The following SFXN1 variants were observed in gnomAD, a reference collection of about 807,000 sequenced individuals.
SFXN1 encodes the protein sideroflexin 1.
In SFXN1, 32 loss-of-function variants were observed where a neutral mutation model predicts 39.5. That is an observed-to-expected ratio of 0.81 (90% CI 0.61 to 1.09). SFXN1 has a LOEUF of 1.09. SFXN1 is among the 50% of genes least tolerant of loss of function. SFXN1 has a pLI of 0.00. For missense variants in SFXN1, 402 were observed against 407.1 expected, an observed-to-expected ratio of 0.99 and a Z score of 0.11; for synonymous variants, 136 against 146.5, an observed-to-expected ratio of 0.93 and a Z score of 0.52.
chr5:175,511,001 A>C (rs559647361), intron 4 of SFXN1, among the ~76,000 whole-genome samples: 1 of 152,298 alleles, frequency 6.6e-6, no homozygotes, highest in South Asian at 2.1e-4. Context: ...TATACAGTTA[A>C]GATATCATTT....
intron 1 of SFXN1, among the ~76,000 whole-genome samples, chr5:175,489,694 A>G (rs1185364944): frequency 1.3e-5 from 2 of 152,194 alleles, no homozygotes; most frequent in Non-Finnish European, 2.9e-5. Flanking sequence ...CCAGTGGAAC[A>G]CATCAAAATC....
chr5:175,478,853 C>G (rs1328376045), intron 1 of SFXN1, among the ~76,000 whole-genome samples: 3 of 152,134 alleles, frequency 2.0e-5, no homozygotes, highest in African/African-American at 4.8e-5. Context: ...ATCCTGCGGC[C>G]GGACAACACC....
chr5:175,523,488 T>A (rs1180396263), intron 10 of SFXN1: 1 of 152,188 alleles, frequency 6.6e-6, no homozygotes, highest in Non-Finnish European at 1.5e-5. Context: ...GGCCTTGATT[T>A]AGCAGTTTAG....
intron 1 of SFXN1, chr5:175,483,728 C>T (rs1338439541): frequency 6.6e-6 from 1 of 152,360 alleles, no homozygotes; most frequent in African/African-American, 2.4e-5. Flanking sequence ...CACAGCTTCC[C>T]TAGGTCCCTC....
At position 175,510,026 on chromosome 5, in the gene SFXN1, T is replaced by C. The variant is rs115730689; in HGVS notation, c.336-83T>C. The stretch of plus-strand genomic sequence containing the variant: ...TCCCTTCCCCAGTACGTCTCCTCTC[T>C]GGTTACTGGTGTTCACGTTTTCTGT... On this transcript the variant is annotated intron_variant, in intron 3 of 10. Transcript: ENST00000321442. 1.7e-4 allele frequency: 190 copies of C among 1,087,560 alleles called. 1 individual carries two copies. In the African/African-American group the frequency reaches 2.7e-3, roughly 16 times the overall value. The allele number at this position is 1,087,560 out of a possible 1,614,324, so 67.4% of individuals were successfully genotyped here. A position where few individuals can be genotyped will look rare whatever the true frequency, so the allele number is the denominator to read the frequency against.
rs370672097 is a variant in SFXN1, at chr5:175,488,279, A to G, written c.-9-3816A>G. Among the ~76,000 whole-genome samples the G allele has an allele frequency of 5.3e-5, 8 of 150,954 alleles. No homozygotes were observed. The East Asian group carries it at 1.6e-3, about 29-fold the overall frequency. On this transcript the variant is annotated intron_variant, in intron 1 of 10. Transcript: ENST00000321442. ...CCGCCCCAGCTCATGCCTTCTTGCTATTCTTTGAAGACACCAGATGCATTT... is the reference window on the plus strand; with the variant it reads ...CCGCCCCAGCTCATGCCTTCTTGCTGTTCTTTGAAGACACCAGATGCATTT...
At chr5:175,505,408 G>A (rs1053198955) in intron 2 of SFXN1, among the ~76,000 whole-genome samples, 4 of 151,610 alleles carry the variant, frequency 2.6e-5, no homozygotes, top group African/African-American at 7.3e-5. Context: ...GTGGTGGCGG[G>A]TGCCTGTAAT....
chr5:175,492,412 A>T (rs1392080276), intron 2 of SFXN1, 145 bp downstream of exon 2: 1 of 722,254 alleles, frequency 1.4e-6, no homozygotes, highest in Non-Finnish European at 2.2e-6. Flanking sequence ...GGAAGAAAAG[A>T]GTAAAAAGAC....
chr5:175,517,811 TC>T (rs1238214213), intron 8 of SFXN1, among the ~76,000 whole-genome samples: 1 of 152,136 alleles, frequency 6.6e-6, no homozygotes, highest in Non-Finnish European at 1.5e-5. Context: ...AGAGGTCACT[TC>T]CTTGGCAGCT....
At chr5:175,502,568 A>G (rs1480075955) in intron 2 of SFXN1, among the ~76,000 whole-genome samples, 2 of 152,214 alleles carry the variant, frequency 1.3e-5, no homozygotes, top group African/African-American at 2.4e-5. Flanking sequence ...GGCCGGGCAC[A>G]GTGGCTCATG....
chr5:175,483,347 T>G (rs1421953068), intron 1 of SFXN1, among the ~76,000 whole-genome samples: 1 of 152,200 alleles, frequency 6.6e-6, no homozygotes, highest in Non-Finnish European at 1.5e-5. Flanking sequence ...ACAGAATTTT[T>G]TTAAGTCCCA....
At chr5:175,524,135 T>A (rs1341458140) in intron 10 of SFXN1, 47 of 17,600 alleles carry the variant, frequency 2.7e-3, no homozygotes, top group African/African-American at 0.017. Flanking sequence ...AATATATATA[T>A]ATATATATAT....
At chr5:175,515,603 A>G (rs144142729) in intron 7 of SFXN1, among the ~76,000 whole-genome samples, 2 of 152,238 alleles carry the variant, frequency 1.3e-5, no homozygotes, top group East Asian at 3.9e-4. Context: ...CCTCCATTTT[A>G]TAGAAAAAGA....
chr5:175,484,014 T>A (rs909528285), intron 1 of SFXN1: 4 of 152,278 alleles, frequency 2.6e-5, no homozygotes, highest in Non-Finnish European at 5.9e-5. Flanking sequence ...TTGCCGCATC[T>A]GCAGTGGGAA....
chr5:175,489,176 T>G (rs1282683548), intron 1 of SFXN1, among the ~76,000 whole-genome samples: 1 of 152,224 alleles, frequency 6.6e-6, no homozygotes. Flanking sequence ...CTGTTATGCA[T>G]TTAGACTATG....
At chr5:175,513,151 A>C (rs1177480312) in intron 6 of SFXN1, among the ~76,000 whole-genome samples, 2 of 151,892 alleles carry the variant, frequency 1.3e-5, no homozygotes, top group Admixed American at 6.6e-5. Context: ...AAATACAAAA[A>C]TTGGCCGGCA....
intron 2 of SFXN1, among the ~76,000 whole-genome samples, chr5:175,493,939 A>G (rs1208078733): frequency 6.6e-6 from 1 of 152,168 alleles, no homozygotes; most frequent in African/African-American, 2.4e-5. Flanking sequence ...TTCTGAGCTC[A>G]CAGGCATAGA....
chr5:175,497,263 C>T (rs907284850), intron 2 of SFXN1, among the ~76,000 whole-genome samples: 3 of 152,140 alleles, frequency 2.0e-5, no homozygotes, highest in Non-Finnish European at 4.4e-5. Flanking sequence ...GAGTTTCCTA[C>T]CTCCCCATCA....
At chr5:175,513,714 C>T (rs1004385997) in intron 7 of SFXN1, 124 bp downstream of exon 7, 2 of 1,025,320 alleles carry the variant, frequency 2.0e-6, no homozygotes, top group Admixed American at 4.4e-5. Flanking sequence ...CTGGGGGTGG[C>T]AGAAAATAAA....
Sources: allele counts gnomAD v4.1 joint callset (sites outside exome capture counted in the v4.1 genomes callset), GRCh38; gene constraint gnomAD v4.1.1; transcripts MANE v1.5; gene names NCBI Gene and HGNC (gene_info 2026-07-23, HGNC 2026-07-21).